L3MBTL4: variants seen among roughly 807,000 people sequenced by gnomAD.
The protein encoded by L3MBTL4 is L3MBTL histone methyl-lysine binding protein 4, also known as lethal(3)malignant brain tumor-like protein 4.
L3MBTL4 carries 70 observed loss-of-function variants against 84.5 expected under a neutral mutation model. The observed-to-expected ratio is 0.83, with a 90% CI of 0.68 to 1.01. L3MBTL4 has a LOEUF of 1.01. Among genes scored for constraint, L3MBTL4 ranks in the 50% least tolerant of loss-of-function variants. L3MBTL4 has a pLI of 0.00. For synonymous variants in L3MBTL4, 274 were observed against 259.8 expected (o/e 1.05, Z -0.52); for missense variants, 715 against 754.8 (o/e 0.95, Z 0.62).
chr18:6,243,156 A>C, intron 7 of L3MBTL4, 138 bp downstream of exon 7: 1 of 662,752 alleles, frequency 1.5e-6, no homozygotes, highest in Non-Finnish European at 2.3e-6. Context: ...TAGTCTTACT[A>C]CTCTTTATGG....
Position 6,219,499 on chromosome 18 carries a change from T to G in L3MBTL4, c.785-3664A>C, listed in dbSNP as rs1341624959. 9.4e-3 allele frequency among the ~76,000 whole-genome samples: 1,319 copies of G among 140,392 alleles called. 24 individuals carry two copies. The highest frequency in any genetic ancestry group is 0.031 in the African/African-American group (1,209 of 38,846). The allele number at this position is 140,392 out of a possible 152,430, so 92.1% of individuals were successfully genotyped here. On this transcript the variant is annotated intron_variant, in intron 10 of 18. Transcript: ENST00000317931. The stretch of plus-strand genomic sequence containing the variant: ...CAGCCACAGCTTGGACCTCATTCTT[T>G]AGGTCCAAGCTGTGGCTGTGGGCAT...
chr18:6,136,570 A>G (rs2060034739), intron 14 of L3MBTL4, among the ~76,000 whole-genome samples: 3 of 152,166 alleles, frequency 2.0e-5, no homozygotes, highest in Admixed American at 6.5e-5. Flanking sequence ...TAACTTTGCA[A>G]CTTCACTTCA....
intron 16 of L3MBTL4, chr18:6,031,108 G>A: frequency 1.0e-6 from 1 of 985,424 alleles, no homozygotes; most frequent in Non-Finnish European, 1.2e-6. Context: ...TTGTGATCAT[G>A]GAGAAAAGCC....
intron 18 of L3MBTL4, among the ~76,000 whole-genome samples, chr18:5,959,577 C>T (rs2095251873): frequency 6.6e-6 from 1 of 152,120 alleles, no homozygotes; most frequent in Admixed American, 6.5e-5. Flanking sequence ...TTTGGGGCTG[C>T]TCTGGAAGCA....
chr18:6,343,417 A>G (rs984813801), intron 1 of L3MBTL4, among the ~76,000 whole-genome samples: 2 of 152,128 alleles, frequency 1.3e-5, no homozygotes, highest in Non-Finnish European at 2.9e-5. Flanking sequence ...TAATCCCAGC[A>G]CTCTGGGAGG....
intron 1 of L3MBTL4, among the ~76,000 whole-genome samples, chr18:6,366,032 A>G (rs1349555702): frequency 1.3e-5 from 2 of 152,214 alleles, no homozygotes; most frequent in Non-Finnish European, 2.9e-5. Flanking sequence ...TGGCCGTGGC[A>G]TACTTCTGTA....
At chr18:6,371,133 T>C (rs12605862) in intron 1 of L3MBTL4, among the ~76,000 whole-genome samples, 3 of 152,176 alleles carry the variant, frequency 2.0e-5, no homozygotes, top group East Asian at 3.9e-4. Flanking sequence ...AACTCTGCCA[T>C]GAGAGCATGA....
intron 16 of L3MBTL4, among the ~76,000 whole-genome samples, chr18:5,992,135 G>A (rs79250150): frequency 5.3e-4 from 81 of 152,254 alleles, no homozygotes; most frequent in Non-Finnish European, 1.3e-4. Context: ...GGAAAGAATC[G>A]GTTGCAGCAA....
At chr18:6,339,199 A>T (rs2052489023) in intron 1 of L3MBTL4, among the ~76,000 whole-genome samples, 1 of 152,218 alleles carries the variant, frequency 6.6e-6, no homozygotes, top group African/African-American at 2.4e-5. Context: ...AAAATAAAAA[A>T]ATGTCCTTCA....
intron 12 of L3MBTL4, among the ~76,000 whole-genome samples, chr18:6,204,241 C>A (rs1157127410): frequency 1.3e-5 from 2 of 152,246 alleles, no homozygotes; most frequent in Non-Finnish European, 1.5e-5. Context: ...TGGCCTAGCA[C>A]TGGCCGTGCC....
At chr18:6,109,462 A>G (rs538565049) in intron 14 of L3MBTL4, among the ~76,000 whole-genome samples, 1 of 152,262 alleles carries the variant, frequency 6.6e-6, no homozygotes, top group Non-Finnish European at 1.5e-5. Flanking sequence ...GTGACACAGT[A>G]GCTGTCCAGG....
At chr18:6,386,922 G>A (rs2054845112) in intron 1 of L3MBTL4, among the ~76,000 whole-genome samples, 2 of 152,148 alleles carry the variant, frequency 1.3e-5, no homozygotes, top group African/African-American at 4.8e-5. Context: ...TGGAAGGCAA[G>A]GGTGGAAACA....
intron 13 of L3MBTL4, among the ~76,000 whole-genome samples, chr18:6,159,763 T>G (rs1346349086): frequency 6.6e-6 from 1 of 152,170 alleles, no homozygotes; most frequent in Admixed American, 6.5e-5. Context: ...ACACTTTATA[T>G]ATACCCTGGT....
rs775365285 is a variant in L3MBTL4 at position 6,304,030 on chromosome 18, CA to C, written c.73-2074del. Among the ~76,000 whole-genome samples the C allele has an allele frequency of 7.0e-4, 94 of 133,702 alleles. 1 individual carries two copies. Among genetic ancestry groups the C allele is most frequent in the African/African-American group, 2.1e-3 (75 of 35,034 alleles). The allele number at this position is 133,702 out of a possible 152,430, so 87.7% of individuals were successfully genotyped here. A position where few individuals can be genotyped will look rare whatever the true frequency, so the allele number is the denominator to read the frequency against. On this transcript the variant is annotated intron_variant, in intron 3 of 18. Transcript: ENST00000317931. ...ACTCCATCTCAAAAAAAAAAAAAAA[CA>C]AAAAAAAAAGACTGCACATAGTGGT...
chr18:6,224,882 T>C (rs1399717132), intron 10 of L3MBTL4, among the ~76,000 whole-genome samples: 1 of 151,888 alleles, frequency 6.6e-6, no homozygotes, highest in East Asian at 1.9e-4. Flanking sequence ...AACTAGATAT[T>C]TGAGGACCAC....
At chr18:6,284,191 G>A (rs547622299) in intron 4 of L3MBTL4, among the ~76,000 whole-genome samples, 1 of 152,186 alleles carries the variant, frequency 6.6e-6, no homozygotes, top group Non-Finnish European at 1.5e-5. Flanking sequence ...TCATTTCCAA[G>A]TGAATTTTTA....
intron 16 of L3MBTL4, among the ~76,000 whole-genome samples, chr18:6,070,793 G>A (rs933747160): frequency 2.6e-5 from 4 of 152,036 alleles, no homozygotes; most frequent in East Asian, 1.9e-4. Context: ...AGCTGTGATC[G>A]CACCACTGCA....
intron 12 of L3MBTL4, among the ~76,000 whole-genome samples, chr18:6,186,487 G>A (rs1390165885): frequency 1.3e-5 from 2 of 152,206 alleles, no homozygotes; most frequent in Non-Finnish European, 2.9e-5. Flanking sequence ...GAAGAAATGG[G>A]GAGGACATGG....
chr18:5,965,311 G>A (rs1187189923), intron 17 of L3MBTL4, among the ~76,000 whole-genome samples: 1 of 152,212 alleles, frequency 6.6e-6, no homozygotes, highest in Non-Finnish European at 1.5e-5. Context: ...CTCTTCACAG[G>A]TGGCATAAGC....
Sources: gnomAD v4.1 joint callset for allele counts (sites outside exome capture counted in the v4.1 genomes callset) on GRCh38, gnomAD v4.1.1 for gene constraint, MANE v1.5 for transcripts, NCBI Gene and HGNC (gene_info 2026-07-23, HGNC 2026-07-21) for gene names.